Variants in KHDRBS2 observed in about 807,000 individuals in gnomAD.
KHDRBS2 encodes KH RNA binding domain containing, signal transduction associated 2.
In KHDRBS2, 26 loss-of-function variants were observed where a neutral mutation model predicts 44.3. The ratio of observed to expected loss-of-function variants is 0.59; its 90% confidence interval spans 0.43 to 0.81. The LOEUF (loss-of-function observed/expected upper bound fraction) is 0.81, where lower values mean the gene tolerates loss of function less well. Ranked by LOEUF, KHDRBS2 falls within the 40% of genes least tolerant of loss-of-function variation. The probability of loss-of-function intolerance (pLI) is 0.00; values close to 1 mark genes in which losing one functional copy is unlikely to be tolerated. For missense variants in KHDRBS2, 476 were observed against 433.1 expected (o/e 1.10, Z -0.88); for synonymous variants, 194 against 151.1 (o/e 1.28, Z -2.08).
intron 4 of KHDRBS2, among the ~76,000 whole-genome samples, chr6:61,915,963 T>C (rs1202343937): frequency 6.6e-6 from 1 of 152,064 alleles, no homozygotes; most frequent in East Asian, 1.9e-4. Flanking sequence ...ACAGAGCAGA[T>C]CTGTGATCTC....
rs771401840 is a variant in KHDRBS2 at position 61,978,204 on chromosome 6, T to A, written c.345A>T (p.Glu115Asp). Residue 115 changes from glutamate to aspartate, a missense_variant, in exon 4 of 9, where the codon GAA (glutamate) becomes GAT (aspartate). Glu to Asp is a conservative substitution (Grantham distance 45, BLOSUM62 2). Coordinates refer to ENST00000281156, the MANE Select transcript of KHDRBS2 (RefSeq NM_152688.4). ...GSMRDKAKEE[E>D]LRKSGEAKYA... ...ATTTGGCTTCCCCACTCTTCCTTAG[T>A]TCTTCTTCCTGTGAAAAAGGTTATT... The A allele has an allele frequency of 6.2e-7, 1 of 1,600,946 alleles. No individual in the cohort carries two copies. Among genetic ancestry groups the A allele is most frequent in the African/African-American group, 1.3e-5 (1 of 74,224 alleles).
rs1165225761 is a variant in KHDRBS2, at chr6:62,106,940, T to C, written c.220-58946A>G. ...ATAAATTAGGTATTGATGGGATATA[T>C]CTCAAAATAATAAGAGCCATCTAAG... On this transcript the variant is annotated intron_variant, in intron 2 of 8. Coordinates refer to ENST00000281156, the MANE Select transcript of KHDRBS2 (RefSeq NM_152688.4). Among the ~76,000 whole-genome samples, 7 of 151,928 alleles carry C rather than the reference T, an allele frequency of 4.6e-5. No homozygotes were observed. The East Asian group carries it at 1.4e-3, about 29-fold the overall frequency.
At chr6:61,551,118 T>A in the KHDRBS2 span, among the ~76,000 whole-genome samples, 1 of 152,108 alleles carries the variant, frequency 6.6e-6, no homozygotes, top group Non-Finnish European at 1.5e-5. Flanking sequence ...TCTTTAATGG[T>A]TAGTGATAAG....
chr6:62,205,083 C>T (rs191190808), intron 1 of KHDRBS2, among the ~76,000 whole-genome samples: 30 of 152,142 alleles, frequency 2.0e-4, no homozygotes, highest in Middle Eastern at 3.4e-3. Context: ...TTCAGATTGC[C>T]TAAACTTGAA....
At chr6:62,233,555 A>T (rs1833214389) in intron 1 of KHDRBS2, among the ~76,000 whole-genome samples, 1 of 152,064 alleles carries the variant, frequency 6.6e-6, no homozygotes, top group Admixed American at 6.6e-5. Flanking sequence ...CTTGTGTCAT[A>T]GGGGTTTGTT....
intron 6 of KHDRBS2, among the ~76,000 whole-genome samples, chr6:61,880,281 T>C (rs1800020623): frequency 1.3e-5 from 2 of 151,796 alleles, no homozygotes; most frequent in Admixed American, 1.3e-4. Flanking sequence ...AAACTTATAA[T>C]AGAAAAAAAT....
At chr6:61,587,902 C>T in the KHDRBS2 span, among the ~76,000 whole-genome samples, 21 of 152,096 alleles carry the variant, frequency 1.4e-4, 1 homozygote, top group Middle Eastern at 3.4e-3. Flanking sequence ...AGAAAACTAA[C>T]GGTAGACATC....
the KHDRBS2 span, among the ~76,000 whole-genome samples, chr6:61,552,567 T>C: frequency 3.3e-5 from 5 of 152,174 alleles, no homozygotes; most frequent in African/African-American, 1.2e-4. Flanking sequence ...GGGCATCTTG[T>C]CTTTTTCTGA....
At chr6:61,671,747 A>G in the KHDRBS2 span, among the ~76,000 whole-genome samples, 13 of 151,848 alleles carry the variant, frequency 8.6e-5, no homozygotes, top group East Asian at 2.2e-3. Context: ...AATATTTAAC[A>G]CTGAATGGTA....
the KHDRBS2 span, among the ~76,000 whole-genome samples, chr6:61,589,466 G>GT: frequency 3.3e-5 from 5 of 152,010 alleles, no homozygotes; most frequent in Non-Finnish European, 5.9e-5. Context: ...TTTAAATAAG[G>GT]TTTTTTTATT....
At chr6:62,036,867 T>C (rs1785386767) in intron 3 of KHDRBS2, among the ~76,000 whole-genome samples, 1 of 152,008 alleles carries the variant, frequency 6.6e-6, no homozygotes, top group Non-Finnish European at 1.5e-5. Context: ...TTCTGCCAGC[T>C]TTAAGATTGC....
In KHDRBS2 at chr6:61,681,034, A is replaced by G. The variant is rs111625311; in HGVS notation, c.979T>C (p.Ser327Pro). ...YAPEEWATTR[S>P]SLKAPPQRSA... Reference sequence around the variant, plus strand: ...CTTTGCGGTGGTGCCTTCAAGCTAGAGCGGGTTGTGGCCCATTCTTCTGGT... The same window carrying G: ...CTTTGCGGTGGTGCCTTCAAGCTAGGGCGGGTTGTGGCCCATTCTTCTGGT... The change falls in exon 9 of 9, where the codon TCT becomes CCT. Residue 327 changes from serine (S) to proline (P), a missense_variant. By Grantham distance (74) the Ser-to-Pro change is moderately conservative (BLOSUM62 -1). Transcript: ENST00000281156. The G allele has an allele frequency of 1.2e-6, 2 of 1,611,852 alleles. No homozygotes were observed. The highest frequency in any genetic ancestry group is 1.7e-6 in the Non-Finnish European group (2 of 1,178,638).
intron 8 of KHDRBS2, among the ~76,000 whole-genome samples, chr6:61,684,673 G>A (rs1223602475): frequency 6.6e-6 from 1 of 151,748 alleles, no homozygotes; most frequent in Non-Finnish European, 1.5e-5. Flanking sequence ...ATTGTCACAT[G>A]AGAAGCACTG....
At chr6:61,582,394 C>A in the KHDRBS2 span, among the ~76,000 whole-genome samples, 1 of 147,948 alleles carries the variant, frequency 6.8e-6, no homozygotes, top group African/African-American at 2.5e-5. Flanking sequence ...TATATAATTC[C>A]AGAAAACTAT....
the KHDRBS2 span, among the ~76,000 whole-genome samples, chr6:61,605,273 T>C: frequency 0.83 from 126,010 of 152,062 alleles, 52,445 homozygotes; most frequent in Non-Finnish European, 0.87. Context: ...TCTAGTCATA[T>C]TCCTATTCAC....
At chr6:62,035,367 T>C (rs1318474187) in intron 3 of KHDRBS2, among the ~76,000 whole-genome samples, 1 of 152,008 alleles carries the variant, frequency 6.6e-6, no homozygotes, top group East Asian at 1.9e-4. Flanking sequence ...TTGAGGTGAT[T>C]ATGCCGAGTG....
At chr6:62,192,745 A>T (rs1387848205) in intron 1 of KHDRBS2, among the ~76,000 whole-genome samples, 2 of 152,114 alleles carry the variant, frequency 1.3e-5, no homozygotes, top group African/African-American at 4.8e-5. Context: ...CAGTTTCTTC[A>T]TCAAATAATT....
At chr6:62,167,897 G>T (rs959122757) in intron 2 of KHDRBS2, among the ~76,000 whole-genome samples, 8 of 152,094 alleles carry the variant, frequency 5.3e-5, no homozygotes, top group Non-Finnish European at 8.8e-5. Context: ...TAAATGATCT[G>T]ATAACTACTT....
chr6:61,785,047 G>A (rs1356163618), intron 6 of KHDRBS2, among the ~76,000 whole-genome samples: 1 of 151,944 alleles, frequency 6.6e-6, no homozygotes, highest in African/African-American at 2.4e-5. Flanking sequence ...TACTCAAGAG[G>A]CTGAAATGGG....
Sources: allele counts gnomAD v4.1 joint callset (sites outside exome capture counted in the v4.1 genomes callset), GRCh38; gene constraint gnomAD v4.1.1; transcripts MANE v1.5; gene names NCBI Gene and HGNC (gene_info 2026-07-23, HGNC 2026-07-21).